The following ENOSF1 variants were observed in gnomAD, a reference collection of about 807,000 sequenced individuals.
ENOSF1 encodes the protein enolase superfamily member 1, also known as mitochondrial enolase superfamily member 1.
Under a neutral mutation model 68.2 loss-of-function variants are expected in ENOSF1, and 73 were observed. The observed-to-expected ratio is 1.07, with a 90% CI of 0.89 to 1.30. ENOSF1 has a LOEUF of 1.30. Among genes scored for constraint, ENOSF1 ranks in the 50% most tolerant of loss-of-function variants. ENOSF1 has a pLI of 0.00. For missense variants in ENOSF1, 589 were observed against 554.5 expected, an observed-to-expected ratio of 1.06 and a Z score of -0.62; for synonymous variants, 223 against 210.4, an observed-to-expected ratio of 1.06 and a Z score of -0.52.
At chr18:681,846 G>A (rs2076113043) in intron 11 of ENOSF1, among the ~76,000 whole-genome samples, 1 of 152,150 alleles carries the variant, frequency 6.6e-6, no homozygotes, top group Non-Finnish European at 1.5e-5. Flanking sequence ...GGAAGGGGAG[G>A]GCATTTCTGA....
chr18:688,698 T>C lies in ENOSF1; in HGVS notation c.619-90A>G. On this transcript the variant is annotated intron_variant, in intron 8 of 15. Coordinates refer to ENST00000647584, the MANE Select transcript of ENOSF1 (RefSeq NM_017512.7). ...CATTGCTGATCTGTTTCACAAGCAT[T>C]ACGGTTATAGCATAGACCAGAGTAA... 4 of 1,189,004 alleles carry C rather than the reference T, an allele frequency of 3.4e-6. No individual in the cohort carries two copies. The South Asian group carries it at 4.9e-5, about 15-fold the overall frequency. The allele number at this position is 1,189,004 out of a possible 1,614,324, so 73.7% of individuals were successfully genotyped here.
Position 694,283 on chromosome 18 carries a change from C to A in ENOSF1, c.361G>T (p.Ala121Ser). Residue 121 changes from alanine to serine, a missense_variant, in exon 4 of 16, where the codon GCG becomes TCG. Transcript: ENST00000647584. ...VHLATAAVLN[A>S]VWDLWAKQEG... ...TGCTTGGCCCACAAGTCCCACACCG[C>A]GTTTAGGACGGCCGCTGTCGCCAGG... 3 of 1,614,174 alleles carry A rather than the reference C, an allele frequency of 1.9e-6. No homozygotes were observed. Among genetic ancestry groups the A allele is most frequent in the Non-Finnish European group, 2.5e-6 (3 of 1,180,044 alleles).
intron 4 of ENOSF1, 77 bp from the exon 5 acceptor site, chr18:693,985 AGC>A (rs200456848): frequency 2.0e-6 from 3 of 1,464,770 alleles, no homozygotes; most frequent in Non-Finnish European, 1.8e-6. Context: ...ACGCGTTGGC[AGC>A]TCTAATGCTG....
At chr18:664,407 G>A in the ENOSF1 span, among the ~76,000 whole-genome samples, 1 of 146,362 alleles carries the variant, frequency 6.8e-6, no homozygotes, top group East Asian at 2.0e-4. Flanking sequence ...TCAGCTTAAG[G>A]AGATTTTGGG....
At position 678,557 on chromosome 18, in the gene ENOSF1, C is replaced by T; in HGVS notation, c.918+139G>A. The T allele has an allele frequency of 3.7e-6, 3 of 818,632 alleles. No individual in the cohort carries two copies. Among genetic ancestry groups the T allele is most frequent in the Non-Finnish European group, 6.1e-6 (3 of 490,390 alleles). The allele number at this position is 818,632 out of a possible 1,614,324, so 50.7% of individuals were successfully genotyped here. Reference sequence around the variant, plus strand: ...GACTCTAGACTCTGATAAAATGACCCAGTTTCTAAGATGATGAAAATTTCC... The same window carrying T: ...GACTCTAGACTCTGATAAAATGACCTAGTTTCTAAGATGATGAAAATTTCC... On this transcript the variant is annotated intron_variant, in intron 12 of 15. Coordinates refer to ENST00000647584, the MANE Select transcript of ENOSF1 (RefSeq NM_017512.7).
intron 2 of ENOSF1, among the ~76,000 whole-genome samples, chr18:699,629 C>T (rs1167752394): frequency 2.0e-5 from 3 of 152,204 alleles, no homozygotes; most frequent in South Asian, 2.1e-4. Context: ...ATCAAGCCAT[C>T]AACTTAGCTT....
chr18:691,343 AAATT>A (rs1451484993), intron 5 of ENOSF1, 67 bp from the exon 6 acceptor site: 1 of 1,345,320 alleles, frequency 7.4e-7, no homozygotes, highest in Non-Finnish European at 1.0e-6. Context: ...TTGTTTTTTA[AAATT>A]TATTATTCTT....
chr18:698,858 G>T (rs1187517149), intron 2 of ENOSF1, among the ~76,000 whole-genome samples: 1 of 152,038 alleles, frequency 6.6e-6, no homozygotes, highest in Non-Finnish European at 1.5e-5. Flanking sequence ...CTGAGCTCAA[G>T]TGATACACCT....
At chr18:706,757 T>G (rs2078974361) in intron 1 of ENOSF1, 179 bp from the exon 2 acceptor site, 1 of 450,998 alleles carries the variant, frequency 2.2e-6, no homozygotes, top group African/African-American at 2.0e-5. Flanking sequence ...AGAAAAGGAA[T>G]GTCCTCCTGA....
At chr18:690,702 A>AAGCTGTTTCCCCTGAAGAGTCC in intron 7 of ENOSF1, 71 bp from the exon 8 acceptor site, 1 of 1,579,840 alleles carries the variant, frequency 6.3e-7, no homozygotes. Context: ...GCCTGTAGCT[A>AAGCTGTTTCCCCTGAAGAGTCC]AGCTGTTTCC....
At chr18:681,864 G>A (rs879148260) in intron 11 of ENOSF1, among the ~76,000 whole-genome samples, 1 of 152,176 alleles carries the variant, frequency 6.6e-6, no homozygotes, top group Admixed American at 6.5e-5. Context: ...TGAAACCCAG[G>A]CTTTGGCAGA....
chr18:666,285 T>G (rs1348747053), downstream of ENOSF1, among the ~76,000 whole-genome samples: 3 of 151,626 alleles, frequency 2.0e-5, no homozygotes, highest in Non-Finnish European at 2.9e-5. Flanking sequence ...AGGGACAAAA[T>G]GCCCCCATTG....
rs577452324 is a variant in ENOSF1 at position 674,046 on chromosome 18, T to C, written c.*259A>G. ...AATGTCTAGGTGCCAGCCCTTGATA[T>C]AGCTATTTTTGTAAGAACATCCTCC... is the stretch of plus-strand genomic sequence containing the variant. On this transcript the variant is annotated 3_prime_UTR_variant, in exon 16 of 16. Transcript: ENST00000647584. 9.3e-6 allele frequency: 3 copies of C among 321,622 alleles called. No homozygotes were observed. The highest frequency in any genetic ancestry group is 9.6e-5 in the Admixed American group (2 of 20,798). The allele number at this position is 321,622 out of a possible 1,614,324, so 19.9% of individuals were successfully genotyped here.
intron 1 of ENOSF1, among the ~76,000 whole-genome samples, chr18:708,424 A>G (rs902094417): frequency 6.6e-6 from 1 of 152,066 alleles, no homozygotes; most frequent in African/African-American, 2.4e-5. Flanking sequence ...TAATCCCAAC[A>G]CTTTGGGAGG....
At chr18:669,111 T>C (rs771296240), downstream of ENOSF1, 9 of 1,614,210 alleles carry the variant, frequency 5.6e-6, no homozygotes, top group Non-Finnish European at 7.6e-6. Context: ...CAAAGAGTGA[T>C]TGACACCATC....
At chr18:693,499 A>C (rs1298512111) in intron 5 of ENOSF1, 1 of 985,274 alleles carries the variant, frequency 1.0e-6, no homozygotes, top group East Asian at 1.1e-4. Flanking sequence ...ATAATATTAT[A>C]ACATCTGGCT....
intron 1 of ENOSF1, among the ~76,000 whole-genome samples, chr18:709,447 A>G (rs998262399): frequency 6.6e-6 from 1 of 152,176 alleles, no homozygotes; most frequent in Non-Finnish European, 1.5e-5. Context: ...CAATTCACAG[A>G]GAAGAAAGGA....
Position 672,755 on chromosome 18 carries a change from TAG to T in ENOSF1, c.*1548_*1549del. ...TCGACAGGATCATACTCCTGTAAAATAGAACTTTGTTGATCACATCCTGTGTA... is the reference window on the plus strand; with the variant it reads ...TCGACAGGATCATACTCCTGTAAAATAACTTTGTTGATCACATCCTGTGTA... On this transcript the variant is annotated 3_prime_UTR_variant, in exon 16 of 16. Transcript: ENST00000647584. 3 of 1,311,054 alleles carry T rather than the reference TAG, an allele frequency of 2.3e-6. No homozygotes were observed. Among genetic ancestry groups the T allele is most frequent in the Non-Finnish European group, 3.1e-6 (3 of 964,218 alleles). The allele number at this position is 1,311,054 out of a possible 1,614,324, so 81.2% of individuals were successfully genotyped here.
chr18:698,021 T>C (rs945959531), intron 2 of ENOSF1, among the ~76,000 whole-genome samples: 1 of 152,208 alleles, frequency 6.6e-6, no homozygotes, highest in African/African-American at 2.4e-5. Flanking sequence ...GTCAAATTAC[T>C]GCGCTCAAGT....
Sources: allele counts gnomAD v4.1 joint callset (sites outside exome capture counted in the v4.1 genomes callset), GRCh38; gene constraint gnomAD v4.1.1; transcripts MANE v1.5; gene names NCBI Gene and HGNC (gene_info 2026-07-23, HGNC 2026-07-21).